DTNA: variants seen among roughly 807,000 people sequenced by gnomAD.
The protein encoded by DTNA is dystrobrevin alpha.
In DTNA, 43 loss-of-function variants were observed where a neutral mutation model predicts 100.7. The ratio of observed to expected loss-of-function variants is 0.43; its 90% CI spans 0.33 to 0.55. DTNA has a LOEUF of 0.55. Ranked by LOEUF, DTNA falls within the 20% of genes least tolerant of loss-of-function variation. The pLI is 0.04. For missense variants in DTNA, 798 were observed against 953.9 expected (o/e 0.84, Z 2.15); for synonymous variants, 349 against 347.9 (o/e 1.00, Z -0.04).
chr18:34,495,378 T>C (rs2039076674), intron 1 of DTNA, among the ~76,000 whole-genome samples: 2 of 152,244 alleles, frequency 1.3e-5, no homozygotes, highest in Non-Finnish European at 2.9e-5. Context: ...CATTTCACCA[T>C]AAAGTTGAGA....
At chr18:34,664,930 A>G (rs893420273) in intron 1 of DTNA, among the ~76,000 whole-genome samples, 2 of 151,892 alleles carry the variant, frequency 1.3e-5, no homozygotes, top group Non-Finnish European at 1.5e-5. Flanking sequence ...TAGCATGGCA[A>G]TTTATTGAAA....
intron 9 of DTNA, among the ~76,000 whole-genome samples, chr18:34,821,676 A>G (rs1281419868): frequency 6.6e-6 from 1 of 152,190 alleles, no homozygotes; most frequent in Admixed American, 6.5e-5. Context: ...ACCTGCTTCT[A>G]TGCACAATTA....
At chr18:34,662,260 G>A (rs950305100) in intron 1 of DTNA, among the ~76,000 whole-genome samples, 2 of 151,712 alleles carry the variant, frequency 1.3e-5, no homozygotes, top group African/African-American at 4.8e-5. Flanking sequence ...ATATTCATAA[G>A]AGTAAAATAT....
chr18:34,523,216 T>C (rs77253613), intron 1 of DTNA, among the ~76,000 whole-genome samples: 12 of 152,218 alleles, frequency 7.9e-5, no homozygotes, highest in Admixed American at 7.9e-4. Flanking sequence ...TACTCCTTTT[T>C]TGAAAATATT....
intron 1 of DTNA, among the ~76,000 whole-genome samples, chr18:34,699,900 C>A (rs551362607): frequency 6.6e-6 from 1 of 152,112 alleles, no homozygotes; most frequent in African/African-American, 2.4e-5. Context: ...AAAAAAGAGA[C>A]AGTTGCACTT....
At chr18:34,837,824 T>G (rs2096184736) in intron 11 of DTNA, among the ~76,000 whole-genome samples, 1 of 152,220 alleles carries the variant, frequency 6.6e-6, no homozygotes, top group Non-Finnish European at 1.5e-5. Flanking sequence ...TCATTATGTC[T>G]AGACATACTC....
intron 1 of DTNA, among the ~76,000 whole-genome samples, chr18:34,743,557 C>G (rs2091080479): frequency 6.6e-6 from 1 of 152,022 alleles, no homozygotes; most frequent in Non-Finnish European, 1.5e-5. Context: ...CCACATGTTA[C>G]TGATAGATAA....
At chr18:34,716,634 C>CT (rs2084140921) in intron 1 of DTNA, among the ~76,000 whole-genome samples, 1 of 152,184 alleles carries the variant, frequency 6.6e-6, no homozygotes. Flanking sequence ...TAACTGTTGA[C>CT]TTCCCAACTC....
chr18:34,749,834 A>G (rs1021746776), intron 1 of DTNA, among the ~76,000 whole-genome samples: 8 of 152,142 alleles, frequency 5.3e-5, no homozygotes, highest in African/African-American at 1.7e-4. Context: ...ATGCAATTAT[A>G]ATTTGCCTCA....
chr18:34,572,580 G>C (rs995536772), intron 1 of DTNA, among the ~76,000 whole-genome samples: 1 of 152,110 alleles, frequency 6.6e-6, no homozygotes, highest in Admixed American at 6.6e-5. Context: ...CTAGCACCCC[G>C]TACTCTTAGA....
intron 1 of DTNA, among the ~76,000 whole-genome samples, chr18:34,496,564 C>T (rs1450191106): frequency 1.3e-5 from 2 of 152,180 alleles, no homozygotes; most frequent in African/African-American, 4.8e-5. Context: ...AATTGTACTG[C>T]TTCTGCTTCT....
intron 1 of DTNA, among the ~76,000 whole-genome samples, chr18:34,569,178 C>T (rs2047349211): frequency 6.6e-6 from 1 of 152,092 alleles, no homozygotes; most frequent in African/African-American, 2.4e-5. Context: ...TGTACACACC[C>T]AGACATTTTT....
At chr18:34,649,890 T>C (rs2060252037) in intron 1 of DTNA, among the ~76,000 whole-genome samples, 1 of 152,168 alleles carries the variant, frequency 6.6e-6, no homozygotes, top group Admixed American at 6.5e-5. Flanking sequence ...TGAGGGAAAC[T>C]TGTAAATTCA....
intron 1 of DTNA, among the ~76,000 whole-genome samples, chr18:34,591,521 C>A (rs1000317293): frequency 1.3e-5 from 2 of 152,214 alleles, no homozygotes; most frequent in African/African-American, 2.4e-5. Flanking sequence ...GATGGCCGCA[C>A]GTCTGTCCAC....
chr18:34,546,310 T>C (rs548551388), intron 1 of DTNA, among the ~76,000 whole-genome samples: 7 of 152,146 alleles, frequency 4.6e-5, no homozygotes, highest in Non-Finnish European at 8.8e-5. Flanking sequence ...GAACACCTTA[T>C]GTTCATTCTG....
At chr18:34,504,177 TG>T (rs1486653635) in intron 1 of DTNA, 1 of 152,174 alleles carries the variant, frequency 6.6e-6, no homozygotes, top group Non-Finnish European at 1.5e-5. Flanking sequence ...TGTTTTGTTT[TG>T]TTTTTTTAAT....
At chr18:34,812,181 T>A in intron 6 of DTNA, 68 bp downstream of exon 6, 1 of 1,603,964 alleles carries the variant, frequency 6.2e-7, no homozygotes, top group Non-Finnish European at 8.5e-7. Flanking sequence ...TAGATGTCAT[T>A]CCAGGTCACA....
chr18:34,493,962 C>T (rs989702648), intron 1 of DTNA: 1 of 148,586 alleles, frequency 6.7e-6, no homozygotes, highest in Admixed American at 6.7e-5. Flanking sequence ...GCCTCAGGCC[C>T]GCGGGGCGGC....
chr18:34,723,713 G>A (rs7237591), intron 1 of DTNA, among the ~76,000 whole-genome samples: 17,945 of 151,918 alleles, frequency 0.12, 1,575 homozygotes, highest in African/African-American at 0.24. Flanking sequence ...AGCCTGGCCA[G>A]CATGGCAAAA....
Sources: gnomAD v4.1 joint callset for allele counts (sites outside exome capture counted in the v4.1 genomes callset) on GRCh38, gnomAD v4.1.1 for gene constraint, MANE v1.5 for transcripts, NCBI Gene and HGNC (gene_info 2026-07-23, HGNC 2026-07-21) for gene names.